KLRC3: variants seen among roughly 807,000 people sequenced by gnomAD.
The protein encoded by KLRC3 is NKG2-E type II integral membrane protein.
Under a neutral mutation model 23.6 loss-of-function variants are expected in KLRC3, and 16 were observed. The observed-to-expected ratio is 0.68, with a 90% CI of 0.46 to 1.03. The LOEUF (loss-of-function observed/expected upper bound fraction) is 1.03. Among genes scored for constraint, KLRC3 ranks in the 50% least tolerant of loss-of-function variants. The pLI, the probability that KLRC3 is intolerant of heterozygous loss-of-function variation, is 0.00. For missense variants in KLRC3, 209 were observed against 232.2 expected, an observed-to-expected ratio of 0.90 and a Z score of 0.65; for synonymous variants, 70 against 71.8, an observed-to-expected ratio of 0.98 and a Z score of 0.13.
Position 10,418,261 on chromosome 12 carries a change from T to C in KLRC3, c.486+83A>G. On this transcript the variant is annotated intron_variant, in intron 4 of 6. Coordinates refer to ENST00000396439, the MANE Select transcript of KLRC3 (RefSeq NM_002261.3). ...TGAAAATATATAAGCTAAATATATG[T>C]ACACACATATGGATGTTTTCTACAA... 4 of 1,289,900 alleles carry C rather than the reference T, an allele frequency of 3.1e-6. No homozygotes were observed. The South Asian group carries it at 4.1e-5, about 13-fold the overall frequency. 79.9% of individuals were successfully genotyped at this position (1,289,900 alleles called of 1,614,324 possible). A position where few individuals can be genotyped will look rare whatever the true frequency, so the allele number is the denominator to read the frequency against.
rs1591599159 is a variant in KLRC3, at chr12:10,412,432, A to G, written c.*140T>C. 2 of 652,328 alleles carry G rather than the reference A, an allele frequency of 3.1e-6. No individual in the cohort carries two copies. The highest frequency in any genetic ancestry group is 5.4e-6 in the Non-Finnish European group (2 of 367,128). 40.4% of individuals were successfully genotyped at this position (652,328 alleles called of 1,614,324 possible). ...GAGAGGGAAAAGTAATTTTTAAAAC[A>G]TCATCTAGTTAAAAATAGGGAGGGC... On this transcript the variant is annotated 3_prime_UTR_variant, in exon 7 of 7. Coordinates refer to ENST00000396439, the MANE Select transcript of KLRC3 (RefSeq NM_002261.3).
rs1419859469 is a variant in KLRC3 at position 10,412,554 on chromosome 12, T to A, written c.*18A>T. ...ATCCCAGCAACTTGGGAGGCCAAGATGTGTTGATTTCTTGAGCTCAGGAGT... is the reference window on the plus strand; with the variant it reads ...ATCCCAGCAACTTGGGAGGCCAAGAAGTGTTGATTTCTTGAGCTCAGGAGT... On this transcript the variant is annotated 3_prime_UTR_variant, in exon 7 of 7. Coordinates refer to ENST00000396439, the MANE Select transcript of KLRC3 (RefSeq NM_002261.3). The A allele has an allele frequency of 2.8e-6, 2 of 701,886 alleles. No individual in the cohort carries two copies. Among genetic ancestry groups the A allele is most frequent in the Non-Finnish European group, 5.2e-6 (2 of 384,690 alleles). 43.5% of individuals were successfully genotyped at this position (701,886 alleles called of 1,614,324 possible). A position where few individuals can be genotyped will look rare whatever the true frequency, so the allele number is the denominator to read the frequency against.
rs573214189 is a variant in KLRC3, at chr12:10,413,177, T to C, written c.679-561A>G. 1.6e-4 allele frequency among the ~76,000 whole-genome samples: 25 copies of C among 152,304 alleles called. No individual in the cohort carries two copies. In the East Asian group the frequency reaches 3.3e-3, roughly 20 times the overall value. ...GGGATGAAGAACATTTCCAGTTTAA[T>C]AGAAAATGTTCTAACTATATTTTAC... On this transcript the variant is annotated intron_variant, in intron 6 of 6. Transcript: ENST00000396439.
At chr12:10,416,369 T>C (rs1017895801) in intron 5 of KLRC3, among the ~76,000 whole-genome samples, 3 of 152,224 alleles carry the variant, frequency 2.0e-5, no homozygotes, top group Admixed American at 2.0e-4. Flanking sequence ...GCTCATCAGC[T>C]AGCGTTAGTG....
In KLRC3 at chr12:10,417,925, A is replaced by G. The variant is rs559389022; in HGVS notation, c.486+419T>C. Among the ~76,000 whole-genome samples, 15 of 152,332 alleles carry G rather than the reference A, an allele frequency of 9.8e-5. 1 individual carries two copies. In the South Asian group the frequency reaches 2.7e-3, roughly 27 times the overall value. ...ACAGGCAAACCTTATTTATAACTTC[A>G]AAAGTCAAGACAGTGTTTTGGAGAG... On this transcript the variant is annotated intron_variant, in intron 4 of 6. Coordinates refer to ENST00000396439, the MANE Select transcript of KLRC3 (RefSeq NM_002261.3).
Position 10,419,856 on chromosome 12 carries a change from A to G in KLRC3, c.286+10T>C, listed in dbSNP as rs1863695271. 1.8e-6 allele frequency: 1 copy of G among 553,244 alleles called. No individual in the cohort carries two copies. The highest frequency in any genetic ancestry group is 3.0e-6 in the Non-Finnish European group (1 of 328,612). 34.3% of individuals were successfully genotyped at this position (553,244 alleles called of 1,614,324 possible). A position where few individuals can be genotyped will look rare whatever the true frequency, so the allele number is the denominator to read the frequency against. On this transcript the variant is annotated intron_variant, in intron 2 of 6. Coordinates refer to ENST00000396439, the MANE Select transcript of KLRC3 (RefSeq NM_002261.3). ...AACGTTCCCTTCTAATCTTTCAAGA[A>G]TATGCTTACAAGGAATAAGAACTAT...
chr12:10,415,745 G>T lies in KLRC3; in HGVS notation c.637C>A (p.Arg213Ser), dbSNP rs569300623. ...AERNCAMLHV[R>S]GLISDQCGSS... ...CCACACTGGTCTGATATAAGTCCAC[G>T]TACATGTAGCATTGCACAGTTACGT... is the stretch of plus-strand genomic sequence containing the variant. Residue 213 changes from arginine to serine, a missense_variant, in exon 6 of 7, where the codon CGT becomes AGT. Coordinates refer to ENST00000396439, the MANE Select transcript of KLRC3 (RefSeq NM_002261.3). 6.2e-7 allele frequency: 1 copy of T among 1,613,266 alleles called. No individual in the cohort carries two copies. Among genetic ancestry groups the T allele is most frequent in the South Asian group, 1.1e-5 (1 of 90,942 alleles).
chr12:10,415,500 A>C, intron 6 of KLRC3: 1 of 831,336 alleles, frequency 1.2e-6, no homozygotes, highest in Non-Finnish European at 1.8e-6. Context: ...AATGAGCCTG[A>C]CTTAAATGCG....
At chr12:10,418,883 T>G (rs1863682596) in intron 3 of KLRC3, among the ~76,000 whole-genome samples, 161 bp downstream of exon 3, 3 of 151,492 alleles carry the variant, frequency 2.0e-5, no homozygotes, top group African/African-American at 2.4e-5. Context: ...TTCTACTTAC[T>G]GGAGAAAAGG....
chr12:10,414,723 C>G (rs896898711), intron 6 of KLRC3, among the ~76,000 whole-genome samples: 8 of 148,820 alleles, frequency 5.4e-5, no homozygotes, highest in African/African-American at 2.0e-4. Flanking sequence ...AACAAACCTG[C>G]ACATTGTGCA....
intron 4 of KLRC3, 39 bp downstream of exon 4, chr12:10,418,305 G>A (rs756584172): frequency 2.0e-6 from 3 of 1,529,414 alleles, no homozygotes; most frequent in Non-Finnish European, 2.7e-6. Context: ...TTCACTGAAA[G>A]AAGCTTTTCA....
chr12:10,419,872 T>A lies in KLRC3; in HGVS notation c.280A>T (p.Ile94Phe), dbSNP rs1487273390. 1 of 594,402 alleles carries A rather than the reference T, an allele frequency of 1.7e-6. No individual in the cohort carries two copies. Among genetic ancestry groups the A allele is most frequent in the Non-Finnish European group, 2.8e-6 (1 of 360,066 alleles). The allele number at this position is 594,402 out of a possible 1,614,324, so 36.8% of individuals were successfully genotyped here. The part of the protein sequence containing the change: ...MATVLKTIVL[I>F]PFLEQNNSSP... ...CTTTCAAGAATATGCTTACAAGGAA[T>A]AAGAACTATTGTTTTTAACACAGTG... Residue 94 changes from isoleucine to phenylalanine, a missense_variant, in exon 2 of 7, where the codon ATT becomes TTT. Ile to Phe is a conservative substitution (Grantham distance 21). This residue lies in a region of KLRC3 where 109 missense variants were observed against 113.2 expected (regional missense o/e 0.96). Transcript: ENST00000396439.
chr12:10,418,536 A>G (rs1207135048), intron 3 of KLRC3, 38 bp from the exon 4 acceptor site: 1 of 1,513,688 alleles, frequency 6.6e-7, no homozygotes, highest in African/African-American at 1.4e-5. Flanking sequence ...ACCAATATGA[A>G]TTTTTAAAAA....
chr12:10,412,709 G>A, intron 6 of KLRC3, 93 bp from the exon 7 acceptor site: 1 of 664,816 alleles, frequency 1.5e-6, no homozygotes, highest in Non-Finnish European at 2.7e-6. Context: ...TTGAGCCTTG[G>A]AGGTGAGGTC....
intron 6 of KLRC3, 82 bp from the exon 7 acceptor site, chr12:10,412,698 C>T (rs541854211): frequency 1.0e-5 from 7 of 672,430 alleles, no homozygotes; most frequent in Admixed American, 4.7e-5. Context: ...GGGAGGATCG[C>T]TTGAGCCTTG....
chr12:10,415,684 A>T lies in KLRC3; in HGVS notation c.678+20T>A, dbSNP rs1863630853. ...ATGCACTGCAAGCTCAAGCGCTTTA[A>T]TTCTAAAGCTTATGCTCACAATGAT... On this transcript the variant is annotated intron_variant, in intron 6 of 6. Coordinates refer to ENST00000396439, the MANE Select transcript of KLRC3 (RefSeq NM_002261.3). 6.2e-7 allele frequency: 1 copy of T among 1,612,516 alleles called. No homozygotes were observed. Among genetic ancestry groups the T allele is most frequent in the Non-Finnish European group, 8.5e-7 (1 of 1,178,818 alleles).
At chr12:10,414,986 A>G (rs1863619912) in intron 6 of KLRC3, among the ~76,000 whole-genome samples, 1 of 152,170 alleles carries the variant, frequency 6.6e-6, no homozygotes, top group African/African-American at 2.4e-5. Context: ...GCATTTCTGT[A>G]TGATTCAAAC....
At chr12:10,418,536 A>C (rs1207135048) in intron 3 of KLRC3, 38 bp from the exon 4 acceptor site, 3 of 1,513,568 alleles carry the variant, frequency 2.0e-6, no homozygotes, top group Non-Finnish European at 2.7e-6. Context: ...ACCAATATGA[A>C]TTTTTAAAAA....
intron 6 of KLRC3, among the ~76,000 whole-genome samples, chr12:10,412,943 A>G (rs1420789105): frequency 6.6e-6 from 1 of 152,206 alleles, no homozygotes; most frequent in Non-Finnish European, 1.5e-5. Flanking sequence ...CAGTGAGCCT[A>G]TAGAAAGATT....
Sources: allele counts gnomAD v4.1 joint callset (sites outside exome capture counted in the v4.1 genomes callset), GRCh38; gene constraint gnomAD v4.1.1; regional missense constraint gnomAD v4.1.1; transcripts MANE v1.5; gene names NCBI Gene and HGNC (gene_info 2026-07-23, HGNC 2026-07-21).